Variants in SREBF2 observed in about 807,000 individuals in gnomAD.
SREBF2 encodes the protein sterol regulatory element-binding protein 2.
SREBF2 carries 55 observed loss-of-function variants against 113.1 expected under a neutral mutation model. The observed-to-expected ratio is 0.49, with a 90% CI of 0.39 to 0.61. The LOEUF is 0.61. SREBF2 is among the 20% of genes least tolerant of loss of function. SREBF2 has a pLI of 0.00. For missense variants in SREBF2, 1,349 were observed against 1,487.4 expected (o/e 0.91, Z 1.53); for synonymous variants, 593 against 605.7 (o/e 0.98, Z 0.31).
chr22:41,896,797 G>A (rs541857837), intron 13 of SREBF2, among the ~76,000 whole-genome samples: 1 of 152,340 alleles, frequency 6.6e-6, no homozygotes. Flanking sequence ...AGAGGAGTGA[G>A]GGTAGGCTGT....
chr22:41,868,833 C>T, intron 3 of SREBF2, 41 bp downstream of exon 3: 1 of 1,569,084 alleles, frequency 6.4e-7, no homozygotes. Context: ...CTGGTTGGGG[C>T]TGTTAACTGG....
chr22:41,866,935 G>GGCAGCAGTGGCAGCAGCA lies in SREBF2; in HGVS notation c.201_218dup (p.Gly68_Ser73dup). 1 of 1,613,172 alleles carries GGCAGCAGTGGCAGCAGCA rather than the reference G, an allele frequency of 6.2e-7. No individual in the cohort carries two copies. The stretch of plus-strand genomic sequence containing the variant: ...CAGTGGTGGTAGTGGTAGCAGCAGC[G>GGCAGCAGTGGCAGCAGCA]GCAGCAGTGGCAGCAGCAGCAGCAG... On this transcript the variant is annotated inframe_insertion, in exon 2 of 19. Transcript: ENST00000361204.
intron 11 of SREBF2, among the ~76,000 whole-genome samples, chr22:41,888,385 T>G (rs538271780): frequency 1.3e-5 from 2 of 152,346 alleles, no homozygotes; most frequent in South Asian, 4.1e-4. Context: ...CCTGTTATTT[T>G]AAAAACTATC....
At chr22:41,886,510 A>G (rs920203503) in intron 11 of SREBF2, among the ~76,000 whole-genome samples, 3 of 152,156 alleles carry the variant, frequency 2.0e-5, no homozygotes, top group African/African-American at 7.2e-5. Flanking sequence ...TACAACATAC[A>G]TGCAGAAAAA....
At chr22:41,867,336 T>G in intron 2 of SREBF2, 56 bp downstream of exon 2, 1 of 1,568,450 alleles carries the variant, frequency 6.4e-7, no homozygotes, top group Non-Finnish European at 8.8e-7. Context: ...TATGTGCCAG[T>G]TTGCAGACAC....
At position 41,866,938 on chromosome 22, in the gene SREBF2, A is replaced by G. The variant is rs745601850; in HGVS notation, c.196A>G (p.Ser66Gly). ...GSGGSGSSSG[S>G]SGSSSSSSNG... ...TGGTGGTAGTGGTAGCAGCAGCGGC[A>G]GCAGTGGCAGCAGCAGCAGCAGCAG... Residue 66 changes from serine (S) to glycine (G), a missense_variant, in exon 2 of 19, where the codon AGC becomes GGC. Ser to Gly is a moderately conservative substitution (Grantham distance 56). This residue lies in a region of SREBF2 where 699 missense variants were observed against 843.3 expected (regional missense o/e 0.83). Coordinates refer to ENST00000361204, the MANE Select transcript of SREBF2 (RefSeq NM_004599.4). 6.2e-7 allele frequency: 1 copy of G among 1,613,906 alleles called. No individual in the cohort carries two copies. The highest frequency in any genetic ancestry group is 8.5e-7 in the Non-Finnish European group (1 of 1,179,848).
intron 1 of SREBF2, 118 bp from the exon 2 acceptor site, chr22:41,866,713 C>A: frequency 8.2e-7 from 1 of 1,221,398 alleles, no homozygotes; most frequent in Non-Finnish European, 1.2e-6. Flanking sequence ...GGTTTCCTGA[C>A]CCATTTCTGC....
chr22:41,899,665 G>T, intron 15 of SREBF2: 1 of 729,948 alleles, frequency 1.4e-6, no homozygotes, highest in Admixed American at 5.5e-5. Context: ...ACCCAGCCCG[G>T]TATAGCATTC....
At chr22:41,904,219 C>G (rs948401021) in intron 17 of SREBF2, among the ~76,000 whole-genome samples, 1 of 152,174 alleles carries the variant, frequency 6.6e-6, no homozygotes, top group African/African-American at 2.4e-5. Context: ...CTGCTGCTCC[C>G]TGCTGAGAGC....
chr22:41,864,099 G>A (rs868822428), intron 1 of SREBF2, among the ~76,000 whole-genome samples: 7 of 149,722 alleles, frequency 4.7e-5, no homozygotes, highest in Middle Eastern at 3.4e-3. Context: ...GGCTGGTCTC[G>A]AACTCCTGAC....
At chr22:41,859,945 A>T (rs987508930) in intron 1 of SREBF2, among the ~76,000 whole-genome samples, 2 of 150,938 alleles carry the variant, frequency 1.3e-5, no homozygotes, top group Non-Finnish European at 2.9e-5. Context: ...AGCTGGGACT[A>T]CAGGCGCCCG....
chr22:41,892,061 G>A (rs1047071854), intron 11 of SREBF2, among the ~76,000 whole-genome samples: 2 of 152,156 alleles, frequency 1.3e-5, no homozygotes, highest in Admixed American at 6.5e-5. Flanking sequence ...CTCGCAGGCT[G>A]GTGTTCACAT....
chr22:41,894,376 A>G (rs868668683), intron 12 of SREBF2, among the ~76,000 whole-genome samples: 3 of 152,222 alleles, frequency 2.0e-5, no homozygotes, highest in Non-Finnish European at 4.4e-5. Flanking sequence ...TTCCATGACA[A>G]GGCTCTGGAA....
At chr22:41,850,042 A>G (rs572398018) in intron 1 of SREBF2, among the ~76,000 whole-genome samples, 1 of 152,280 alleles carries the variant, frequency 6.6e-6, no homozygotes, top group Admixed American at 6.5e-5. Flanking sequence ...CGGGAGGCTG[A>G]GGCGAGAGAA....
intron 1 of SREBF2, among the ~76,000 whole-genome samples, chr22:41,848,154 G>T (rs1373601656): frequency 2.0e-5 from 3 of 151,874 alleles, no homozygotes; most frequent in African/African-American, 7.3e-5. Context: ...ACAATGTGCA[G>T]GTTAGTTACA....
intron 9 of SREBF2, among the ~76,000 whole-genome samples, chr22:41,880,050 G>A (rs899870178): frequency 6.6e-6 from 1 of 152,094 alleles, no homozygotes; most frequent in African/African-American, 2.4e-5. Context: ...GAAAAGAAAC[G>A]CTTTAGCAGA....
intron 8 of SREBF2, among the ~76,000 whole-genome samples, chr22:41,877,718 A>C (rs951124900): frequency 1.3e-5 from 2 of 152,248 alleles, no homozygotes; most frequent in Admixed American, 6.5e-5. Context: ...CTGAGGTTGC[A>C]AAACCAATGC....
intron 1 of SREBF2, among the ~76,000 whole-genome samples, chr22:41,834,257 C>T (rs1356523850): frequency 1.3e-5 from 2 of 152,112 alleles, no homozygotes; most frequent in African/African-American, 2.4e-5. Context: ...AGAAAGAGTC[C>T]AGTTGACTAG....
Position 41,899,945 on chromosome 22 carries a change from G to A in SREBF2, c.2739-385G>A. 3 of 1,161,126 alleles carry A rather than the reference G, an allele frequency of 2.6e-6. No homozygotes were observed. In the South Asian group the frequency reaches 5.6e-5, roughly 22 times the overall value. 71.9% of individuals were successfully genotyped at this position (1,161,126 alleles called of 1,614,324 possible). A position where few individuals can be genotyped will look rare whatever the true frequency, so the allele number is the denominator to read the frequency against. On this transcript the variant is annotated intron_variant, in intron 15 of 18. Transcript: ENST00000361204. ...AAGAAGCTAACTAAGTATCTCCAGA[G>A]AGTTTAATACCACATCTCTGGGGGG...
Sources: gnomAD v4.1 joint callset for allele counts (sites outside exome capture counted in the v4.1 genomes callset) on GRCh38, gnomAD v4.1.1 for gene constraint, gnomAD v4.1.1 regional missense constraint, MANE v1.5 for transcripts, NCBI Gene and HGNC (gene_info 2026-07-23, HGNC 2026-07-21) for gene names.